The following CELF4 variants were observed in gnomAD, a reference collection of about 807,000 sequenced individuals.
CELF4 encodes the protein CUGBP Elav-like family member 4, also known as CUG-BP- and ETR-3-like factor 4.
CELF4 carries 18 observed loss-of-function variants against 59.9 expected under a neutral mutation model. That is an observed-to-expected ratio of 0.30 (90% CI 0.21 to 0.45). The LOEUF (loss-of-function observed/expected upper bound fraction) is 0.45, where lower values mean the gene tolerates loss of function less well. Among genes scored for constraint, CELF4 ranks in the 20% least tolerant of loss-of-function variants. CELF4 has a pLI of 1.00. For missense variants in CELF4, 456 were observed against 689.0 expected (o/e 0.66, Z 3.79); for synonymous variants, 261 against 267.1 (o/e 0.98, Z 0.22).
intron 2 of CELF4, among the ~76,000 whole-genome samples, chr18:37,453,730 C>A (rs900787032): frequency 1.3e-5 from 2 of 152,266 alleles, no homozygotes; most frequent in Non-Finnish European, 2.9e-5. Flanking sequence ...GCAGATGACC[C>A]ATCAGGGCCT....
At chr18:37,364,218 C>A (rs1207771092) in intron 2 of CELF4, among the ~76,000 whole-genome samples, 2 of 152,194 alleles carry the variant, frequency 1.3e-5, no homozygotes, top group Admixed American at 1.3e-4. Context: ...GGCCTCCTTC[C>A]CTCCTTCCTG....
At chr18:37,269,224 T>C (rs993507148) in intron 8 of CELF4, among the ~76,000 whole-genome samples, 8 of 151,944 alleles carry the variant, frequency 5.3e-5, no homozygotes, top group Non-Finnish European at 1.0e-4. Context: ...ACACTCCAGA[T>C]CATTAGAGCC....
At chr18:37,531,668 T>C (rs1248452826) in intron 1 of CELF4, among the ~76,000 whole-genome samples, 2 of 152,140 alleles carry the variant, frequency 1.3e-5, no homozygotes, top group Non-Finnish European at 2.9e-5. Flanking sequence ...ATAGTGTCTT[T>C]GGAGGTGAGA....
chr18:37,524,755 G>A (rs970305226), intron 1 of CELF4, among the ~76,000 whole-genome samples: 2 of 152,284 alleles, frequency 1.3e-5, no homozygotes, highest in Admixed American at 1.3e-4. Context: ...CTCCCCAGCC[G>A]AACATCCCCC....
intron 2 of CELF4, among the ~76,000 whole-genome samples, chr18:37,398,315 T>C (rs2099271187): frequency 6.6e-6 from 1 of 152,166 alleles, no homozygotes; most frequent in South Asian, 2.1e-4. Flanking sequence ...ACAGTGAAAG[T>C]CCTGTCCTGG....
At chr18:37,485,185 G>T (rs1019948119) in intron 2 of CELF4, among the ~76,000 whole-genome samples, 1 of 151,922 alleles carries the variant, frequency 6.6e-6, no homozygotes, top group Non-Finnish European at 1.5e-5. Flanking sequence ...CCACTAGAGC[G>T]GCCCGCGTCG....
At chr18:37,398,479 C>T (rs984554087) in intron 2 of CELF4, among the ~76,000 whole-genome samples, 1 of 152,214 alleles carries the variant, frequency 6.6e-6, no homozygotes, top group African/African-American at 2.4e-5. Flanking sequence ...TCCTGCTGAT[C>T]TTGAGGAAGA....
At position 37,553,082 on chromosome 18, in the gene CELF4, C is replaced by T. The variant is rs888550396; in HGVS notation, c.286+12274G>A. 1.7e-4 allele frequency among the ~76,000 whole-genome samples: 26 copies of T among 152,184 alleles called. 1 individual carries two copies. Among genetic ancestry groups the T allele is most frequent in the Non-Finnish European group, 1.5e-5 (1 of 68,040 alleles). On this transcript the variant is annotated intron_variant, in intron 1 of 12. Transcript: ENST00000420428. ...TCCTCATTCCAGATTTCCAAACTTG[C>T]CCAACAGAATGGCAACAGAATTTAC... is the stretch of plus-strand genomic sequence containing the variant.
intron 1 of CELF4, among the ~76,000 whole-genome samples, chr18:37,560,870 G>C (rs1009798694): frequency 9.2e-5 from 14 of 152,188 alleles, no homozygotes; most frequent in African/African-American, 3.4e-4. Flanking sequence ...TCAGTGTTCT[G>C]AGAATTATTA....
chr18:37,493,300 C>G (rs1444823986), intron 1 of CELF4, among the ~76,000 whole-genome samples: 2 of 152,256 alleles, frequency 1.3e-5, no homozygotes, highest in African/African-American at 4.8e-5. Context: ...CTGACTACTT[C>G]AACCCCAACC....
intron 1 of CELF4, among the ~76,000 whole-genome samples, chr18:37,513,492 T>G (rs555330023): frequency 7.2e-5 from 11 of 152,230 alleles, no homozygotes; most frequent in African/African-American, 2.6e-4. Context: ...GAGCTTTACT[T>G]TCCAAAGAGA....
chr18:37,326,273 G>A (rs1247567356), intron 2 of CELF4, among the ~76,000 whole-genome samples: 1 of 152,192 alleles, frequency 6.6e-6, no homozygotes, highest in Non-Finnish European at 1.5e-5. Flanking sequence ...AGTGAGATCA[G>A]GAGGAAGACC....
At chr18:37,379,214 G>C (rs955898500) in intron 2 of CELF4, among the ~76,000 whole-genome samples, 1 of 152,166 alleles carries the variant, frequency 6.6e-6, no homozygotes, top group African/African-American at 2.4e-5. Context: ...GATTGGATGA[G>C]AGCAGGGATA....
intron 2 of CELF4, among the ~76,000 whole-genome samples, chr18:37,390,273 G>A (rs1037220740): frequency 6.6e-6 from 1 of 152,166 alleles, no homozygotes; most frequent in Non-Finnish European, 1.5e-5. Context: ...TCTTCCTCTC[G>A]GTTCCAGGAC....
chr18:37,457,034 T>C (rs778858786), intron 2 of CELF4, among the ~76,000 whole-genome samples: 38 of 152,222 alleles, frequency 2.5e-4, no homozygotes, highest in Admixed American at 1.1e-3. Context: ...ATGTCTTTCC[T>C]GAGGAGGCTT....
At chr18:37,249,666 G>T (rs2064215252) in intron 12 of CELF4, among the ~76,000 whole-genome samples, 1 of 152,150 alleles carries the variant, frequency 6.6e-6, no homozygotes, top group Admixed American at 6.5e-5. Context: ...TCTTCTGCCT[G>T]CAGGGTGACC....
At chr18:37,248,941 T>A (rs1001137827) in intron 12 of CELF4, among the ~76,000 whole-genome samples, 4 of 142,048 alleles carry the variant, frequency 2.8e-5, no homozygotes, top group African/African-American at 1.2e-4. Context: ...CTCAGCTTTA[T>A]GCTTTCCTGC....
chr18:37,339,842 A>G (rs1314645357), intron 2 of CELF4, among the ~76,000 whole-genome samples: 4 of 152,030 alleles, frequency 2.6e-5, no homozygotes, highest in Non-Finnish European at 5.9e-5. Context: ...GAATGAACAC[A>G]TAGCAGAGGG....
At chr18:37,548,917 C>A (rs993893266) in intron 1 of CELF4, among the ~76,000 whole-genome samples, 1 of 152,214 alleles carries the variant, frequency 6.6e-6, no homozygotes. Flanking sequence ...AGGAGCCCTG[C>A]AACATCCAGG....
Sources: allele counts gnomAD v4.1 joint callset (sites outside exome capture counted in the v4.1 genomes callset), GRCh38; gene constraint gnomAD v4.1.1; transcripts MANE v1.5; gene names NCBI Gene and HGNC (gene_info 2026-07-23, HGNC 2026-07-21).